The following IL1RAPL1 variants were observed in gnomAD, a reference collection of about 807,000 sequenced individuals.
IL1RAPL1 encodes interleukin-1 receptor accessory protein-like 1.
A neutral mutation model predicts 48.4 loss-of-function variants in IL1RAPL1; 3 were observed. The observed-to-expected ratio is 0.06, with a 90% CI of 0.03 to 0.16. The LOEUF (loss-of-function observed/expected upper bound fraction) is 0.16, where lower values mean the gene tolerates loss of function less well. Ranked by LOEUF, IL1RAPL1 falls within the 10% of genes least tolerant of loss-of-function variation. The probability of loss-of-function intolerance (pLI) is 1.00; values close to 1 mark genes in which losing one functional copy is unlikely to be tolerated. For synonymous variants in IL1RAPL1, 185 were observed against 187.7 expected (o/e 0.99, Z 0.12); for missense variants, 349 against 530.6 (o/e 0.66, Z 3.36).
chrX:28,709,267 TAGAC>T (rs1213861257), intron 1 of IL1RAPL1, among the ~76,000 whole-genome samples: 17 of 112,224 alleles, frequency 1.5e-4, no homozygotes, highest in South Asian at 3.6e-4. Context: ...ATATAGAAAA[TAGAC>T]AGCCCCAAAT....
intron 3 of IL1RAPL1, among the ~76,000 whole-genome samples, chrX:29,334,577 G>A (rs1313703094): frequency 1.3e-3 from 147 of 110,935 alleles, no homozygotes; most frequent in African/African-American, 4.7e-3. Flanking sequence ...TTGCCAGGCA[G>A]AGGGTTTCCT....
chrX:29,717,648 A>G (rs1927520653), intron 6 of IL1RAPL1, among the ~76,000 whole-genome samples: 2 of 112,421 alleles, frequency 1.8e-5, no homozygotes. Context: ...ATACGTTTCT[A>G]TTGGAACACA....
intron 5 of IL1RAPL1, among the ~76,000 whole-genome samples, chrX:29,428,440 C>T (rs1413173782): frequency 9.0e-6 from 1 of 111,133 alleles, no homozygotes; most frequent in Non-Finnish European, 1.9e-5. Context: ...TGGCTTTCAT[C>T]TGTTGCTGCC....
rs147891420 is a variant in IL1RAPL1, at chrX:29,881,638, A to G, written c.779-35826A>G. Among the ~76,000 whole-genome samples, 732 of 110,883 alleles carry G rather than the reference A, an allele frequency of 6.6e-3. 4 individuals are homozygous for G. Among genetic ancestry groups the G allele is most frequent in the African/African-American group, 0.022 (680 of 30,576 alleles). ...CAGGCATGCAATGTGAAATAAGCAC[A>G]TCATGGAGAATGGGGTATCCATCCC... On this transcript the variant is annotated intron_variant, in intron 6 of 10. Coordinates refer to ENST00000378993, the MANE Select transcript of IL1RAPL1 (RefSeq NM_014271.4).
intron 2 of IL1RAPL1, among the ~76,000 whole-genome samples, chrX:29,034,958 C>G (rs750415718): frequency 9.1e-6 from 1 of 109,995 alleles, no homozygotes; most frequent in Admixed American, 9.7e-5. Flanking sequence ...GGGTTCACAC[C>G]ATTCTCCTGC....
intron 1 of IL1RAPL1, among the ~76,000 whole-genome samples, chrX:28,768,997 TC>T (rs765285833): frequency 1.7e-4 from 18 of 107,490 alleles, no homozygotes; most frequent in African/African-American, 5.7e-4. Context: ...GATCAAGAGT[TC>T]CATAGCTAGT....
intron 6 of IL1RAPL1, among the ~76,000 whole-genome samples, chrX:29,782,888 ATTTTTTTTTTTTTTTTTTTTTTT>A (rs780831874): frequency 6.4e-5 from 2 of 31,069 alleles, no homozygotes; most frequent in Admixed American, 1.3e-3. Flanking sequence ...TGATCGTGAC[ATTTTTTTTTTTTTTTTTTTTTTT>A]TTTTTTTTTT....
chrX:28,916,263 G>GT (rs1383047664), intron 2 of IL1RAPL1, among the ~76,000 whole-genome samples: 6 of 110,872 alleles, frequency 5.4e-5, no homozygotes, highest in Non-Finnish European at 9.4e-5. Context: ...CAGAAACACT[G>GT]TTTCCCCATT....
chrX:28,929,257 A>G (rs1340406029), intron 2 of IL1RAPL1, among the ~76,000 whole-genome samples: 2 of 112,283 alleles, frequency 1.8e-5, no homozygotes, highest in East Asian at 5.6e-4. Flanking sequence ...GTAATTGTGT[A>G]TCTAAACATT....
chrX:29,190,608 A>G (rs1371475487), intron 2 of IL1RAPL1, among the ~76,000 whole-genome samples: 1 of 112,574 alleles, frequency 8.9e-6, no homozygotes, highest in Non-Finnish European at 1.9e-5. Context: ...AGAGCTTACA[A>G]AAGACTGTTC....
At chrX:29,003,695 G>C (rs1018445045) in intron 2 of IL1RAPL1, among the ~76,000 whole-genome samples, 4 of 112,156 alleles carry the variant, frequency 3.6e-5, no homozygotes, top group Non-Finnish European at 1.9e-5. Flanking sequence ...TCAGTTAATT[G>C]AAAATGAAAC....
At chrX:29,376,181 T>G (rs1177289486) in intron 3 of IL1RAPL1, among the ~76,000 whole-genome samples, 1 of 111,682 alleles carries the variant, frequency 9.0e-6, no homozygotes, top group Non-Finnish European at 1.9e-5. Context: ...GAGATCTTTC[T>G]AACTTCTTGA....
chrX:29,287,256 C>T (rs1204181181), intron 3 of IL1RAPL1, among the ~76,000 whole-genome samples: 1 of 112,081 alleles, frequency 8.9e-6, no homozygotes, highest in Non-Finnish European at 1.9e-5. Context: ...AGTTGTTGTA[C>T]ATATCCATAG....
At chrX:29,311,494 G>A (rs1932723690) in intron 3 of IL1RAPL1, among the ~76,000 whole-genome samples, 1 of 111,971 alleles carries the variant, frequency 8.9e-6, no homozygotes, top group Non-Finnish European at 1.9e-5. Flanking sequence ...CAACCCAGTA[G>A]ATCTCTGTGC....
chrX:29,452,697 A>G (rs951226825), intron 5 of IL1RAPL1, among the ~76,000 whole-genome samples: 5 of 111,364 alleles, frequency 4.5e-5, no homozygotes, highest in Non-Finnish European at 5.6e-5. Context: ...GGACAAGAGT[A>G]CATGCTCAAT....
rs1330172529 is a variant in IL1RAPL1, at chrX:29,334,285, G to T, written c.362+51068G>T. 8.8e-5 allele frequency among the ~76,000 whole-genome samples: 6 copies of T among 68,315 alleles called. 1 individual carries two copies. The highest frequency in any genetic ancestry group is 2.7e-4 in the Admixed American group (2 of 7,326). 59.3% of individuals were successfully genotyped at this position (68,315 alleles called of 115,157 possible). A position where few individuals can be genotyped will look rare whatever the true frequency, so the allele number is the denominator to read the frequency against. On this transcript the variant is annotated intron_variant, in intron 3 of 10. Transcript: ENST00000378993. ...CCAGTAGGGGAGGCCGGGCAGAGGC[G>T]CCCCTCACCTCCCGGACTGGGTGGC...
At position 28,629,820 on chromosome X, in the gene IL1RAPL1, C is replaced by A. The variant is rs144352255; in HGVS notation, c.-25+41773C>A. On this transcript the variant is annotated intron_variant, in intron 1 of 10. Transcript: ENST00000378993. ...CCTCGAGTGAGCAAATGCCAAGAAG[C>A]TATTTAACAATAGGCAAGCACGGCA... Among the ~76,000 whole-genome samples the A allele has an allele frequency of 5.4e-5, 6 of 111,955 alleles. No individual in the cohort carries two copies. In the East Asian group the frequency reaches 1.7e-3, roughly 32 times the overall value.
chrX:29,175,802 T>C (rs1361508945), intron 2 of IL1RAPL1, among the ~76,000 whole-genome samples: 2 of 86,150 alleles, frequency 2.3e-5, no homozygotes, highest in Non-Finnish European at 4.2e-5. Flanking sequence ...GCCAAGATCA[T>C]GCCACTGCAC....
intron 1 of IL1RAPL1, among the ~76,000 whole-genome samples, chrX:28,763,370 G>A (rs778082298): frequency 3.3e-4 from 37 of 111,926 alleles, no homozygotes; most frequent in Non-Finnish European, 4.7e-4. Flanking sequence ...GATAATTGTC[G>A]TCATGCATGC....
Sources: allele counts gnomAD v4.1 joint callset (sites outside exome capture counted in the v4.1 genomes callset), GRCh38; gene constraint gnomAD v4.1.1; transcripts MANE v1.5; gene names NCBI Gene and HGNC (gene_info 2026-07-23, HGNC 2026-07-21).